Variants in UVRAG observed in about 807,000 individuals in gnomAD.
UVRAG encodes UV radiation resistance associated.
In UVRAG, 19 loss-of-function variants were observed where a neutral mutation model predicts 78.0. The observed-to-expected ratio is 0.24, with a 90% confidence interval of 0.17 to 0.36. The LOEUF is 0.36. Among genes scored for constraint, UVRAG ranks in the 10% least tolerant of loss-of-function variants. The pLI, the probability that UVRAG is intolerant of heterozygous loss-of-function variation, is 1.00. For synonymous variants in UVRAG, 323 were observed against 324.6 expected (o/e 1.00, Z 0.05); for missense variants, 740 against 853.8 (o/e 0.87, Z 1.66).
At chr11:76,066,975 A>G (rs1295521624) in intron 13 of UVRAG, among the ~76,000 whole-genome samples, 1 of 152,194 alleles carries the variant, frequency 6.6e-6, no homozygotes, top group Non-Finnish European at 1.5e-5. Flanking sequence ...ATTTATCCAC[A>G]TGAACCTAAC....
chr11:75,855,814 T>C (rs1280374956), intron 2 of UVRAG, among the ~76,000 whole-genome samples: 1 of 152,194 alleles, frequency 6.6e-6, no homozygotes, highest in East Asian at 1.9e-4. Context: ...ATGTGTAAAA[T>C]TTAAGAAGAG....
intron 11 of UVRAG, among the ~76,000 whole-genome samples, chr11:76,013,746 T>A (rs1396914818): frequency 6.6e-6 from 1 of 152,228 alleles, no homozygotes; most frequent in African/African-American, 2.4e-5. Context: ...TTCAGTGGTC[T>A]TGGGGTGATG....
intron 3 of UVRAG, among the ~76,000 whole-genome samples, chr11:75,869,136 C>T (rs1189831458): frequency 6.6e-6 from 1 of 152,138 alleles, no homozygotes; most frequent in Non-Finnish European, 1.5e-5. Flanking sequence ...CTAGTAAAAC[C>T]AGTGTTCCAG....
intron 6 of UVRAG, among the ~76,000 whole-genome samples, chr11:75,929,401 T>C (rs1440187394): frequency 1.3e-5 from 2 of 152,084 alleles, no homozygotes; most frequent in African/African-American, 2.4e-5. Flanking sequence ...GAATAAACAG[T>C]AGCGGAATGA....
At chr11:75,979,749 G>A (rs550005606) in intron 7 of UVRAG, 1 of 152,482 alleles carries the variant, frequency 6.6e-6, no homozygotes, top group East Asian at 1.9e-4. Context: ...GGGTGGGAGT[G>A]ACCTGATTTT....
intron 1 of UVRAG, among the ~76,000 whole-genome samples, chr11:75,828,772 T>TACACACAC (rs1219364669): frequency 1.7e-4 from 19 of 111,172 alleles, no homozygotes; most frequent in South Asian, 5.2e-4. Flanking sequence ...TATATATATA[T>TACACACAC]ATACACACAT....
At chr11:76,043,604 G>T (rs565774456) in intron 12 of UVRAG, among the ~76,000 whole-genome samples, 4 of 152,294 alleles carry the variant, frequency 2.6e-5, no homozygotes, top group Non-Finnish European at 4.4e-5. Context: ...AAAAACTTAT[G>T]TAAGTATTTT....
At chr11:75,868,341 G>A (rs915833274) in intron 3 of UVRAG, among the ~76,000 whole-genome samples, 33 of 152,166 alleles carry the variant, frequency 2.2e-4, no homozygotes. Flanking sequence ...GAGCAGAGGT[G>A]GTTTGAGGTG....
chr11:76,093,483 T>C (rs1951739216), intron 13 of UVRAG, among the ~76,000 whole-genome samples: 1 of 152,180 alleles, frequency 6.6e-6, no homozygotes. Flanking sequence ...ATTCTTCCTA[T>C]CCATGAGCAT....
chr11:76,068,113 A>G (rs924806052), intron 13 of UVRAG, among the ~76,000 whole-genome samples: 2 of 152,008 alleles, frequency 1.3e-5, no homozygotes, highest in Non-Finnish European at 2.9e-5. Flanking sequence ...GCACAAACAC[A>G]CTTCTTTCTT....
chr11:75,817,336 A>G (rs150272646), intron 1 of UVRAG, among the ~76,000 whole-genome samples: 1 of 152,322 alleles, frequency 6.6e-6, no homozygotes, highest in East Asian at 1.9e-4. Flanking sequence ...CTATTCTCTG[A>G]TAACAGTTCA....
chr11:75,925,595 A>T (rs1948082325), intron 6 of UVRAG, among the ~76,000 whole-genome samples: 1 of 152,350 alleles, frequency 6.6e-6, no homozygotes, highest in East Asian at 1.9e-4. Context: ...AGGGTCTTTC[A>T]TTCGTTGAGA....
At chr11:75,889,101 T>C (rs752511914) in intron 5 of UVRAG, among the ~76,000 whole-genome samples, 198 bp downstream of exon 5, 14 of 152,250 alleles carry the variant, frequency 9.2e-5, no homozygotes, top group Non-Finnish European at 1.8e-4. Context: ...CCATCTTTTC[T>C]AAATCCAGAT....
At chr11:76,103,240 A>C (rs1200903374) in intron 13 of UVRAG, among the ~76,000 whole-genome samples, 1 of 152,282 alleles carries the variant, frequency 6.6e-6, no homozygotes, top group African/African-American at 2.4e-5. Context: ...TGCTGTAAAC[A>C]TAAAATTATC....
Position 75,815,257 on chromosome 11 carries a change from G to T in UVRAG, c.-151G>T. 2.2e-6 allele frequency: 1 copy of T among 463,540 alleles called. No homozygotes were observed. Among genetic ancestry groups the T allele is most frequent in the Non-Finnish European group, 3.7e-6 (1 of 272,316 alleles). 28.7% of individuals were successfully genotyped at this position (463,540 alleles called of 1,614,324 possible). ...CAGCGGCGGCAACGGCGGCAGCGGC[G>T]GCAGCGGCGGCGGCTACTGTCTGGG... On this transcript the variant is annotated 5_prime_UTR_variant, in exon 1 of 15. Transcript: ENST00000356136.
chr11:75,997,454 A>G (rs769684699), intron 8 of UVRAG, among the ~76,000 whole-genome samples: 4 of 152,244 alleles, frequency 2.6e-5, no homozygotes, highest in African/African-American at 9.6e-5. Context: ...CAGAGAGGCT[A>G]TCTGATTTAA....
chr11:76,110,680 T>C (rs1395634752), intron 13 of UVRAG, among the ~76,000 whole-genome samples: 4 of 152,044 alleles, frequency 2.6e-5, no homozygotes, highest in African/African-American at 9.7e-5. Context: ...GGAACTTCTG[T>C]TGGTTCTTTG....
intron 1 of UVRAG, among the ~76,000 whole-genome samples, chr11:75,823,561 C>G (rs1203166086): frequency 1.3e-5 from 2 of 152,182 alleles, no homozygotes; most frequent in Non-Finnish European, 2.9e-5. Flanking sequence ...TCTCTACCTC[C>G]TGGCTTCGAG....
intron 6 of UVRAG, among the ~76,000 whole-genome samples, chr11:75,959,315 A>G (rs906748988): frequency 1.3e-5 from 2 of 152,234 alleles, no homozygotes; most frequent in African/African-American, 4.8e-5. Flanking sequence ...GTTGTTTAGT[A>G]TAACCACCTT....
Sources: gnomAD v4.1 joint callset for allele counts (sites outside exome capture counted in the v4.1 genomes callset) on GRCh38, gnomAD v4.1.1 for gene constraint, MANE v1.5 for transcripts, NCBI Gene and HGNC (gene_info 2026-07-23, HGNC 2026-07-21) for gene names.